The following GRB14 variants were observed in gnomAD, a reference collection of about 807,000 sequenced individuals.
GRB14 encodes the protein growth factor receptor bound protein 14.
Under a neutral mutation model 69.1 loss-of-function variants are expected in GRB14, and 38 were observed. The ratio of observed to expected loss-of-function variants is 0.55; its 90% CI spans 0.42 to 0.72. The LOEUF (loss-of-function observed/expected upper bound fraction) is 0.72. Ranked by LOEUF, GRB14 falls within the 30% of genes least tolerant of loss-of-function variation. The pLI is 0.00. For synonymous variants in GRB14, 247 were observed against 241.3 expected (o/e 1.02, Z -0.22); for missense variants, 666 against 666.1 (o/e 1.00, Z 0.00).
intron 5 of GRB14, among the ~76,000 whole-genome samples, chr2:164,522,814 G>GGA (rs1003875172): frequency 2.9e-4 from 44 of 152,108 alleles, no homozygotes; most frequent in African/African-American, 9.9e-4. Flanking sequence ...ACAAAAAGGT[G>GGA]GAGTCTTTCT....
intron 2 of GRB14, chr2:164,568,312 T>C: frequency 7.8e-7 from 1 of 1,286,814 alleles, no homozygotes; most frequent in Non-Finnish European, 1.0e-6. Flanking sequence ...AGAAGTCACA[T>C]ACCCTTTTCT....
intron 6 of GRB14, among the ~76,000 whole-genome samples, chr2:164,519,239 T>C (rs1010749005): frequency 3.9e-4 from 60 of 152,266 alleles, no homozygotes; most frequent in African/African-American, 1.4e-3. Context: ...ATAAATGTGA[T>C]ACAACACATA....
intron 6 of GRB14, among the ~76,000 whole-genome samples, chr2:164,511,623 T>C (rs1687340460): frequency 6.6e-6 from 1 of 152,104 alleles, no homozygotes; most frequent in African/African-American, 2.4e-5. Flanking sequence ...CAGTAATCCA[T>C]GGGACTTGGA....
intron 13 of GRB14, 68 bp downstream of exon 13, chr2:164,494,363 A>G: frequency 1.2e-6 from 1 of 847,964 alleles, no homozygotes; most frequent in East Asian, 2.4e-5. Context: ...AAGCTTATGC[A>G]TTAAGATCAA....
chr2:164,543,555 A>G (rs763979906), intron 3 of GRB14, among the ~76,000 whole-genome samples: 2 of 152,224 alleles, frequency 1.3e-5, no homozygotes, highest in African/African-American at 4.8e-5. Context: ...CTTAAACAAT[A>G]TGCAGAGCCG....
At chr2:164,579,477 CTCA>C (rs1188275375) in intron 2 of GRB14, among the ~76,000 whole-genome samples, 1 of 151,530 alleles carries the variant, frequency 6.6e-6, no homozygotes, top group Non-Finnish European at 1.5e-5. Context: ...TGGCCAGGAC[CTCA>C]TTTTATTACA....
At position 164,621,471 on chromosome 2, in the gene GRB14, C is replaced by T. The variant is rs1690464469; in HGVS notation, c.-162G>A. ...GGCCCCGGCGGCTGAGACGCGCGGC[C>T]GAGCTATCTGCGAGGCGGCGGGGGA... On this transcript the variant is annotated 5_prime_UTR_variant, in exon 1 of 14. Coordinates refer to ENST00000263915, the MANE Select transcript of GRB14 (RefSeq NM_004490.3). This position sits in a 1 kb window ranked among gnomAD's most constrained non-coding sequence, Gnocchi z 6.0. The T allele has an allele frequency of 5.5e-5, 12 of 218,770 alleles. No individual in the cohort carries two copies. Among genetic ancestry groups the T allele is most frequent in the Non-Finnish European group, 8.2e-5 (10 of 122,542 alleles). The allele number at this position is 218,770 out of a possible 1,614,324, so 13.6% of individuals were successfully genotyped here.
At chr2:164,607,275 T>C (rs1180975855) in intron 2 of GRB14, among the ~76,000 whole-genome samples, 2 of 152,230 alleles carry the variant, frequency 1.3e-5, no homozygotes, top group Non-Finnish European at 2.9e-5. Flanking sequence ...TATCCATTCA[T>C]TTCTCCATTT....
At chr2:164,565,300 A>ACG (rs1688943454) in intron 2 of GRB14, among the ~76,000 whole-genome samples, 1 of 151,886 alleles carries the variant, frequency 6.6e-6, no homozygotes, top group Non-Finnish European at 1.5e-5. Flanking sequence ...ACACACACAC[A>ACG]CACTTGGCTG....
At chr2:164,530,072 A>T (rs939406628) in intron 3 of GRB14, among the ~76,000 whole-genome samples, 1 of 152,150 alleles carries the variant, frequency 6.6e-6, no homozygotes, top group South Asian at 2.1e-4. Context: ...GTCTTAATCC[A>T]TTTTTTGTTG....
intron 6 of GRB14, among the ~76,000 whole-genome samples, chr2:164,512,151 GTTTA>G (rs1384237466): frequency 1.3e-5 from 2 of 151,986 alleles, no homozygotes; most frequent in Non-Finnish European, 1.5e-5. Flanking sequence ...AAGGTTTTTT[GTTTA>G]TTTGTTTGTT....
intron 9 of GRB14, 127 bp from the exon 10 acceptor site, chr2:164,497,617 A>G: frequency 1.5e-6 from 1 of 650,894 alleles, no homozygotes; most frequent in Non-Finnish European, 2.7e-6. Context: ...TTTCCATTCT[A>G]GAAGGTGGTG....
At chr2:164,580,047 A>C (rs1053781539) in intron 2 of GRB14, among the ~76,000 whole-genome samples, 3 of 152,028 alleles carry the variant, frequency 2.0e-5, no homozygotes, top group African/African-American at 7.2e-5. Context: ...AAGAATTCTT[A>C]CTATATCTTT....
intron 2 of GRB14, 108 bp downstream of exon 2, chr2:164,619,579 G>C (rs925314332): frequency 6.0e-5 from 42 of 697,174 alleles, no homozygotes; most frequent in Non-Finnish European, 9.6e-5. Flanking sequence ...TTATTTAACA[G>C]AGCCCATGCT....
At chr2:164,619,887 T>C (rs1690404637) in intron 1 of GRB14, 68 bp from the exon 2 acceptor site, 1 of 1,380,238 alleles carries the variant, frequency 7.2e-7, no homozygotes, top group Non-Finnish European at 1.0e-6. Context: ...CTGTCAGGAA[T>C]AAAAAGTGTG....
intron 3 of GRB14, among the ~76,000 whole-genome samples, chr2:164,545,730 C>G (rs1251897422): frequency 2.6e-5 from 4 of 152,222 alleles, no homozygotes; most frequent in Non-Finnish European, 5.9e-5. Flanking sequence ...CCATAACGAA[C>G]TCCTTCCTGT....
At chr2:164,602,290 A>C (rs1689935571) in intron 2 of GRB14, among the ~76,000 whole-genome samples, 2 of 152,076 alleles carry the variant, frequency 1.3e-5, no homozygotes. Context: ...TCTTTCTTTT[A>C]ACTCTTGAAT....
rs151037401 is a variant in GRB14, at chr2:164,542,831, G to A, written c.481+4829C>T. 2.4e-3 allele frequency among the ~76,000 whole-genome samples: 367 copies of A among 152,272 alleles called. 2 individuals are homozygous for A. Among genetic ancestry groups the A allele is most frequent in the African/African-American group, 8.4e-3 (348 of 41,560 alleles). ...TTCAGCCACTGTGGAAAGTAGTTTG[G>A]AGATTTCTCAAAAAATTTAAAAAAG... On this transcript the variant is annotated intron_variant, in intron 3 of 13. Transcript: ENST00000263915.
chr2:164,604,549 T>C (rs1690000198), intron 2 of GRB14, among the ~76,000 whole-genome samples: 1 of 151,978 alleles, frequency 6.6e-6, no homozygotes, highest in Non-Finnish European at 1.5e-5. Context: ...GAACAGTGTT[T>C]CCCTCACAGC....
Sources: gnomAD v4.1 joint callset for allele counts (sites outside exome capture counted in the v4.1 genomes callset) on GRCh38, gnomAD v4.1.1 for gene constraint, Gnocchi (gnomAD v3.1) non-coding constraint, MANE v1.5 for transcripts, NCBI Gene and HGNC (gene_info 2026-07-23, HGNC 2026-07-21) for gene names.